Variants in SV2C observed in about 807,000 individuals in gnomAD.
SV2C encodes the protein solute carrier family 22 member B3.
SV2C carries 49 observed loss-of-function variants against 79.7 expected under a neutral mutation model. That is an observed-to-expected ratio of 0.61 (90% CI 0.49 to 0.78). The LOEUF (loss-of-function observed/expected upper bound fraction) is 0.78, where lower values mean the gene tolerates loss of function less well. SV2C is among the 30% of genes least tolerant of loss of function. SV2C has a pLI of 0.00. For missense variants in SV2C, 833 were observed against 912.9 expected (o/e 0.91, Z 1.13); for synonymous variants, 334 against 333.2 (o/e 1.00, Z -0.03).
At chr5:76,130,145 T>TAAA (rs375351450) in intron 1 of SV2C, among the ~76,000 whole-genome samples, 676 of 67,594 alleles carry the variant, frequency 0.01, 8 homozygotes, top group Non-Finnish European at 0.012. Flanking sequence ...TCTCAGTTCT[T>TAAA]AAAAAAAAAA....
intron 1 of SV2C, among the ~76,000 whole-genome samples, chr5:76,107,096 A>C (rs995998448): frequency 6.6e-6 from 1 of 152,234 alleles, no homozygotes; most frequent in Non-Finnish European, 1.5e-5. Context: ...AAAGGAATTA[A>C]AGACTGCCAG....
At chr5:76,208,209 A>G (rs889043106) in intron 3 of SV2C, among the ~76,000 whole-genome samples, 1 of 152,262 alleles carries the variant, frequency 6.6e-6, no homozygotes, top group African/African-American at 2.4e-5. Flanking sequence ...TATTTTATAT[A>G]TGTATATTAT....
At chr5:76,293,491 A>G (rs948773856) in intron 8 of SV2C, among the ~76,000 whole-genome samples, 1 of 152,182 alleles carries the variant, frequency 6.6e-6, no homozygotes, top group Admixed American at 6.5e-5. Flanking sequence ...TAAATGACAA[A>G]TTAGCCAAAA....
intron 8 of SV2C, among the ~76,000 whole-genome samples, chr5:76,293,001 C>G (rs1417600376): frequency 6.6e-6 from 1 of 152,162 alleles, no homozygotes; most frequent in Non-Finnish European, 1.5e-5. Flanking sequence ...GGCAAGTGAT[C>G]TAAGGTGACC....
the SV2C span, among the ~76,000 whole-genome samples, chr5:75,960,266 C>T: frequency 6.6e-6 from 1 of 151,952 alleles, no homozygotes; most frequent in African/African-American, 2.4e-5. Context: ...GTGCCTGACA[C>T]TGTCTGTTGC....
chr5:76,204,874 A>T (rs1744563231), intron 3 of SV2C, among the ~76,000 whole-genome samples: 1 of 152,196 alleles, frequency 6.6e-6, no homozygotes, highest in African/African-American at 2.4e-5. Flanking sequence ...TGTGAAATTC[A>T]CAGTCAGGCT....
intron 1 of SV2C, among the ~76,000 whole-genome samples, chr5:76,085,838 C>CACACACAT (rs1280761443): frequency 1.3e-5 from 2 of 151,586 alleles, no homozygotes; most frequent in Non-Finnish European, 2.9e-5. Flanking sequence ...CACACACACA[C>CACACACAT]ACACACACAC....
intron 4 of SV2C, among the ~76,000 whole-genome samples, chr5:76,253,708 G>A (rs373314472): frequency 2.3e-3 from 277 of 118,014 alleles, no homozygotes; most frequent in South Asian, 3.5e-3. Flanking sequence ...CCTCCCTAAG[G>A]AAAAAAAAAA....
At chr5:76,124,591 C>T (rs1748640138) in intron 1 of SV2C, among the ~76,000 whole-genome samples, 1 of 152,148 alleles carries the variant, frequency 6.6e-6, no homozygotes, top group Non-Finnish European at 1.5e-5. Flanking sequence ...TAAATATCTT[C>T]TCCAAAATCT....
At chr5:76,158,413 C>T (rs1742804559) in intron 2 of SV2C, among the ~76,000 whole-genome samples, 1 of 148,358 alleles carries the variant, frequency 6.7e-6, no homozygotes, top group East Asian at 2.0e-4. Flanking sequence ...TAATATCAGA[C>T]AAAATAGACG....
intron 1 of SV2C, among the ~76,000 whole-genome samples, chr5:76,112,221 A>T (rs1748116794): frequency 6.6e-6 from 1 of 152,194 alleles, no homozygotes; most frequent in African/African-American, 2.4e-5. Flanking sequence ...GTGAGAGATG[A>T]TAAGAAAAAT....
the SV2C span, among the ~76,000 whole-genome samples, chr5:76,068,951 A>G: frequency 6.6e-6 from 1 of 152,176 alleles, no homozygotes; most frequent in African/African-American, 2.4e-5. Flanking sequence ...GCATCAGTGT[A>G]ATTAATACCA....
At chr5:75,911,088 G>C in the SV2C span, 1 of 1,398,462 alleles carries the variant, frequency 7.2e-7, no homozygotes, top group Non-Finnish European at 1.0e-6. Flanking sequence ...GATGCAGCCC[G>C]GGGGAAGATA....
the SV2C span, among the ~76,000 whole-genome samples, chr5:76,041,972 C>A: frequency 6.6e-6 from 1 of 152,138 alleles, no homozygotes; most frequent in African/African-American, 2.4e-5. Context: ...GCCTTCTCAC[C>A]CACAGCAGCT....
At chr5:76,043,717 G>T in the SV2C span, among the ~76,000 whole-genome samples, 1 of 152,088 alleles carries the variant, frequency 6.6e-6, no homozygotes, top group Non-Finnish European at 1.5e-5. Flanking sequence ...TATTTTTAAT[G>T]TTTCCAGTGC....
At chr5:76,349,058 C>CT (rs1189784423) in intron 12 of SV2C, among the ~76,000 whole-genome samples, 4 of 152,158 alleles carry the variant, frequency 2.6e-5, no homozygotes, top group Non-Finnish European at 4.4e-5. Flanking sequence ...TTTCCATACT[C>CT]TATCATGTCT....
At chr5:76,186,860 C>G (rs1038647680) in intron 2 of SV2C, among the ~76,000 whole-genome samples, 1 of 152,176 alleles carries the variant, frequency 6.6e-6, no homozygotes, top group Non-Finnish European at 1.5e-5. Context: ...TGAGAACTCA[C>G]TCACTATCAT....
the SV2C span, among the ~76,000 whole-genome samples, chr5:75,863,481 C>T: frequency 6.6e-6 from 1 of 152,032 alleles, no homozygotes; most frequent in Non-Finnish European, 1.5e-5. Context: ...ATTACCTTTG[C>T]TTTTAATATT....
the SV2C span, among the ~76,000 whole-genome samples, chr5:75,984,567 A>ATATCTATCTATC: frequency 7.1e-3 from 727 of 102,872 alleles, 5 homozygotes; most frequent in African/African-American, 0.019. Context: ...CTATCTATCT[A>ATATCTATCTATC]TATCTATCTA....
Sources: gnomAD v4.1 joint callset for allele counts (sites outside exome capture counted in the v4.1 genomes callset) on GRCh38, gnomAD v4.1.1 for gene constraint, MANE v1.5 for transcripts, NCBI Gene and HGNC (gene_info 2026-07-23, HGNC 2026-07-21) for gene names.